The following SPAG16 variants were observed in gnomAD, a reference collection of about 807,000 sequenced individuals.
SPAG16 encodes sperm associated antigen 16.
SPAG16 carries 86 observed loss-of-function variants against 80.4 expected under a neutral mutation model. That is an observed-to-expected ratio of 1.07 (90% confidence interval 0.90 to 1.28). SPAG16 has a LOEUF of 1.28. Among genes scored for constraint, SPAG16 ranks in the 50% most tolerant of loss-of-function variants. The probability of loss-of-function intolerance (pLI) is 0.00; values close to 1 mark genes in which losing one functional copy is unlikely to be tolerated. For synonymous variants in SPAG16, 294 were observed against 265.9 expected (o/e 1.11, Z -1.03); for missense variants, 870 against 765.3 (o/e 1.14, Z -1.61).
chr2:214,227,916 G>T (rs1458167035), intron 15 of SPAG16, among the ~76,000 whole-genome samples: 2 of 151,814 alleles, frequency 1.3e-5, no homozygotes, highest in Non-Finnish European at 2.9e-5. Context: ...TGTTCCTTTT[G>T]ATGAGATTCT....
intron 15 of SPAG16, among the ~76,000 whole-genome samples, chr2:214,210,006 A>G (rs1264293670): frequency 6.6e-6 from 1 of 152,120 alleles, no homozygotes; most frequent in East Asian, 1.9e-4. Context: ...AACAACTCCC[A>G]GATATTGAAC....
At chr2:213,801,281 T>A (rs2071381275) in intron 10 of SPAG16, among the ~76,000 whole-genome samples, 1 of 152,208 alleles carries the variant, frequency 6.6e-6, no homozygotes, top group African/African-American at 2.4e-5. Context: ...TTTCTCTATT[T>A]CCTAATTTAT....
In SPAG16 at chr2:213,909,608, C is replaced by G. The variant is rs867760510; in HGVS notation, c.1215-20352C>G. Among the ~76,000 whole-genome samples, 108 of 152,012 alleles carry G rather than the reference C, an allele frequency of 7.1e-4. 1 individual carries two copies. Among genetic ancestry groups the G allele is most frequent in the Admixed American group, 1.0e-3 (16 of 15,268 alleles). On this transcript the variant is annotated intron_variant, in intron 11 of 15. Transcript: ENST00000331683. ...ACTATCTGATCTTTGACAAACCTGA[C>G]AAAAACAAGCAATGGGGAAAGGATT...
rs373996194 is a variant in SPAG16, at chr2:213,675,331, G to A, written c.1070+185241G>A. Among the ~76,000 whole-genome samples the A allele has an allele frequency of 2.2e-3, 329 of 151,960 alleles. 1 individual carries two copies. Among genetic ancestry groups the A allele is most frequent in the African/African-American group, 6.5e-3 (269 of 41,460 alleles). On this transcript the variant is annotated intron_variant, in intron 10 of 15. Coordinates refer to ENST00000331683, the MANE Select transcript of SPAG16 (RefSeq NM_024532.5). ...TTGTGAAAATTTTCTCCCATTTTGT[G>A]GGTTGCCTGTTCACTCTGATGGTAG...
At chr2:214,352,558 C>CTCTGTGTGTGTGTGTGTGTG (rs796885924) in intron 15 of SPAG16, among the ~76,000 whole-genome samples, 47 of 142,544 alleles carry the variant, frequency 3.3e-4, no homozygotes, top group Middle Eastern at 3.7e-3. Context: ...CTTTTTTTCT[C>CTCTGTGTGTGTGTGTGTGTG]TGTGTGTGTG....
In SPAG16 at chr2:213,830,410, G is replaced by A. The variant is rs77265802; in HGVS notation, c.1071-32075G>A. 9.9e-4 allele frequency among the ~76,000 whole-genome samples: 150 copies of A among 152,180 alleles called. 1 individual carries two copies. In the East Asian group the frequency reaches 0.025, roughly 25 times the overall value. On this transcript the variant is annotated intron_variant, in intron 10 of 15. Coordinates refer to ENST00000331683, the MANE Select transcript of SPAG16 (RefSeq NM_024532.5). Reference sequence around the variant, plus strand: ...ATCAAGACTGTCTACCCTCTTCAATGGTCTTTAGTGCCTCTTTCAGTGATA... The same window carrying A: ...ATCAAGACTGTCTACCCTCTTCAATAGTCTTTAGTGCCTCTTTCAGTGATA...
chr2:214,016,441 A>T (rs951124377), intron 13 of SPAG16, among the ~76,000 whole-genome samples: 1 of 152,202 alleles, frequency 6.6e-6, no homozygotes, highest in Non-Finnish European at 1.5e-5. Context: ...GGTCCCTCCC[A>T]TGACATGTGG....
At chr2:213,650,122 A>G (rs2062969366) in intron 10 of SPAG16, among the ~76,000 whole-genome samples, 1 of 152,120 alleles carries the variant, frequency 6.6e-6, no homozygotes, top group African/African-American at 2.4e-5. Flanking sequence ...CTGATGTTTT[A>G]CTTCTGCCCT....
rs942215572 is a variant in SPAG16, at chr2:213,548,005, T to G, written c.1070+57915T>G. Among the ~76,000 whole-genome samples the G allele has an allele frequency of 4.6e-5, 7 of 152,328 alleles. No homozygotes were observed. In the East Asian group the frequency reaches 1.3e-3, roughly 29 times the overall value. ...TACATATCAGCCTTTTGTCCAATAT[T>G]CTGCTACTGCAATCAATGACCTATA... On this transcript the variant is annotated intron_variant, in intron 10 of 15. Transcript: ENST00000331683.
intron 15 of SPAG16, among the ~76,000 whole-genome samples, chr2:214,400,318 T>C (rs986677367): frequency 1.3e-5 from 2 of 151,950 alleles, no homozygotes; most frequent in Non-Finnish European, 1.5e-5. Context: ...AAAAAGATGA[T>C]AGTTGGCCCC....
chr2:214,157,750 A>G (rs957602972), intron 15 of SPAG16, among the ~76,000 whole-genome samples: 2 of 152,152 alleles, frequency 1.3e-5, no homozygotes, highest in African/African-American at 4.8e-5. Context: ...ATTAATATAA[A>G]TTAAAGTTAT....
At chr2:214,262,968 T>G (rs1231091171) in intron 15 of SPAG16, among the ~76,000 whole-genome samples, 1 of 152,128 alleles carries the variant, frequency 6.6e-6, no homozygotes, top group Non-Finnish European at 1.5e-5. Flanking sequence ...GAAAATTGTA[T>G]ACATTTAAGG....
chr2:214,125,922 G>T, intron 14 of SPAG16, among the ~76,000 whole-genome samples: 1 of 151,476 alleles, frequency 6.6e-6, no homozygotes, highest in East Asian at 1.9e-4. Context: ...AAATGTGATT[G>T]GGCAAAAGAA....
intron 14 of SPAG16, among the ~76,000 whole-genome samples, chr2:214,132,428 G>A (rs1008937345): frequency 4.6e-5 from 7 of 152,256 alleles, no homozygotes; most frequent in African/African-American, 1.7e-4. Context: ...CAGTTCCTCA[G>A]TTGCTGTAGT....
intron 15 of SPAG16, among the ~76,000 whole-genome samples, chr2:214,390,587 T>C (rs368834733): frequency 1.3e-5 from 2 of 152,016 alleles, no homozygotes; most frequent in East Asian, 3.9e-4. Flanking sequence ...GAATGGGCAG[T>C]TTAAATCTAG....
intron 12 of SPAG16, among the ~76,000 whole-genome samples, chr2:213,978,114 G>A (rs1463643767): frequency 1.3e-5 from 2 of 151,590 alleles, no homozygotes; most frequent in East Asian, 2.0e-4. Flanking sequence ...TTAGAGTCAC[G>A]TCATTGGATT....
At chr2:214,077,139 TAAAC>T (rs968092552) in intron 13 of SPAG16, among the ~76,000 whole-genome samples, 5 of 152,096 alleles carry the variant, frequency 3.3e-5, no homozygotes, top group South Asian at 4.2e-4. Context: ...CATGTACAAA[TAAAC>T]AGAGCAAGTA....
intron 12 of SPAG16, among the ~76,000 whole-genome samples, chr2:213,953,178 AT>A (rs1390644545): frequency 6.6e-6 from 1 of 152,010 alleles, no homozygotes; most frequent in Non-Finnish European, 1.5e-5. Flanking sequence ...TTAAAACTAT[AT>A]TTTTAATCCC....
At chr2:213,895,437 C>G (rs1179767224) in intron 11 of SPAG16, among the ~76,000 whole-genome samples, 2 of 152,092 alleles carry the variant, frequency 1.3e-5, no homozygotes, top group Admixed American at 6.6e-5. Context: ...TCCTATGGAA[C>G]TAAAAAAGGC....
Sources: gnomAD v4.1 joint callset for allele counts (sites outside exome capture counted in the v4.1 genomes callset) on GRCh38, gnomAD v4.1.1 for gene constraint, MANE v1.5 for transcripts, NCBI Gene and HGNC (gene_info 2026-07-23, HGNC 2026-07-21) for gene names.